The following GALNT17 variants were observed in gnomAD, a reference collection of about 807,000 sequenced individuals.
GALNT17 encodes the protein UDP-GalNAc:polypeptide N-acetylgalactosaminyltransferase-like 3.
Under a neutral mutation model 63.7 loss-of-function variants are expected in GALNT17, and 29 were observed. That is an observed-to-expected ratio of 0.46 (90% CI 0.34 to 0.62). GALNT17 has a LOEUF of 0.62. Ranked by LOEUF, GALNT17 falls within the 20% of genes least tolerant of loss-of-function variation. The probability of loss-of-function intolerance (pLI) is 0.01; values close to 1 mark genes in which losing one functional copy is unlikely to be tolerated. For missense variants in GALNT17, 603 were observed against 799.6 expected (o/e 0.75, Z 2.97); for synonymous variants, 305 against 318.3 (o/e 0.96, Z 0.45).
chr7:71,652,950 T>C (rs546214742), intron 6 of GALNT17, among the ~76,000 whole-genome samples: 1 of 152,176 alleles, frequency 6.6e-6, no homozygotes, highest in Non-Finnish European at 1.5e-5. Context: ...ATCGGGCAGC[T>C]CATGCTTAAG....
At chr7:71,170,324 T>A (rs1268338678) in intron 1 of GALNT17, among the ~76,000 whole-genome samples, 2 of 152,022 alleles carry the variant, frequency 1.3e-5, no homozygotes, top group Non-Finnish European at 2.9e-5. Flanking sequence ...AGCTTTATTT[T>A]TTATTATTTA....
chr7:71,550,567 G>C (rs1047092559), intron 5 of GALNT17, among the ~76,000 whole-genome samples: 6 of 152,036 alleles, frequency 3.9e-5, no homozygotes, highest in Admixed American at 1.3e-4. Flanking sequence ...ATTTAATAGA[G>C]ACAGGATTTT....
At chr7:71,458,720 C>T (rs1456655562) in intron 5 of GALNT17, among the ~76,000 whole-genome samples, 1 of 152,022 alleles carries the variant, frequency 6.6e-6, no homozygotes, top group Non-Finnish European at 1.5e-5. Flanking sequence ...AGGATCTTCC[C>T]CTGGAGTTTG....
At chr7:71,174,107 C>T (rs1485506087) in intron 1 of GALNT17, among the ~76,000 whole-genome samples, 1 of 152,138 alleles carries the variant, frequency 6.6e-6, no homozygotes, top group Non-Finnish European at 1.5e-5. Context: ...GGGTAAAGCC[C>T]TTGAGGGGCT....
intron 1 of GALNT17, among the ~76,000 whole-genome samples, chr7:71,265,098 T>TTTTTTATATATATATATATATA (rs144493671): frequency 2.6e-5 from 2 of 78,368 alleles, no homozygotes; most frequent in Admixed American, 1.4e-4. Context: ...CCCATAAATA[T>TTTTTTATATATATATATATATA]TATATATATA....
At chr7:71,617,885 G>A (rs969183400) in intron 6 of GALNT17, among the ~76,000 whole-genome samples, 3 of 151,914 alleles carry the variant, frequency 2.0e-5, no homozygotes, top group East Asian at 3.9e-4. Context: ...GACCTCAGGC[G>A]ATCCACCCAC....
chr7:71,163,168 A>G (rs926903021), intron 1 of GALNT17, among the ~76,000 whole-genome samples: 3 of 152,214 alleles, frequency 2.0e-5, no homozygotes, highest in South Asian at 2.1e-4. Context: ...AGATTTTCCA[A>G]TCTGATCAAT....
chr7:71,269,591 C>A (rs73173993), intron 1 of GALNT17, among the ~76,000 whole-genome samples: 5,431 of 152,108 alleles, frequency 0.036, 112 homozygotes, highest in South Asian at 0.06. Flanking sequence ...TGCCACTGCT[C>A]ATCTGTCTGC....
Position 71,416,088 on chromosome 7 carries a change from G to A in GALNT17, c.764+25G>A, listed in dbSNP as rs759860635. The A allele has an allele frequency of 1.0e-4, 166 of 1,593,238 alleles. 1 individual carries two copies. Among genetic ancestry groups the A allele is most frequent in the South Asian group, 2.5e-4 (22 of 86,998 alleles). On this transcript the variant is annotated intron_variant, in intron 4 of 10. Transcript: ENST00000333538. ...GGTAGGTCATGAGCTGAAACTCAGG[G>A]GTGCTCAAGACCTGCATTGTGGTTG...
chr7:71,310,736 C>T (rs1791401113), intron 1 of GALNT17, among the ~76,000 whole-genome samples: 1 of 152,232 alleles, frequency 6.6e-6, no homozygotes, highest in Non-Finnish European at 1.5e-5. Flanking sequence ...TTTCAGAAGA[C>T]TTTCCTTTCT....
chr7:71,616,348 CT>C, intron 6 of GALNT17, among the ~76,000 whole-genome samples: 1 of 152,048 alleles, frequency 6.6e-6, no homozygotes, highest in Admixed American at 6.6e-5. Flanking sequence ...TCAACCTCAC[CT>C]TTTGTTGGCT....
chr7:71,701,770 T>C (rs1791637403), intron 9 of GALNT17, among the ~76,000 whole-genome samples: 1 of 127,000 alleles, frequency 7.9e-6, no homozygotes, highest in Non-Finnish European at 1.6e-5. Context: ...TATGTGTATA[T>C]ATATGTGTGT....
chr7:71,460,272 T>C (rs1039231205), intron 5 of GALNT17, among the ~76,000 whole-genome samples: 5 of 152,150 alleles, frequency 3.3e-5, no homozygotes, highest in African/African-American at 1.2e-4. Context: ...GATGGCAGCA[T>C]TGGACCATAG....
intron 1 of GALNT17, among the ~76,000 whole-genome samples, chr7:71,334,428 C>T (rs1395035333): frequency 6.6e-6 from 1 of 151,852 alleles, no homozygotes; most frequent in African/African-American, 2.4e-5. Flanking sequence ...GATATTGGAT[C>T]TCCATCATTT....
intron 2 of GALNT17, among the ~76,000 whole-genome samples, chr7:71,378,973 G>A (rs545748490): frequency 6.6e-6 from 1 of 152,306 alleles, no homozygotes; most frequent in South Asian, 2.1e-4. Context: ...CTGCACTCCA[G>A]CCTGGGCGAC....
At chr7:71,406,562 T>C (rs2116404075) in intron 3 of GALNT17, among the ~76,000 whole-genome samples, 1 of 152,108 alleles carries the variant, frequency 6.6e-6, no homozygotes, top group South Asian at 2.1e-4. Flanking sequence ...TGCAACCGAG[T>C]TTCTCCCCGC....
At chr7:71,680,883 T>TC (rs141566749) in intron 9 of GALNT17, among the ~76,000 whole-genome samples, 28,786 of 144,566 alleles carry the variant, frequency 0.2, 3,477 homozygotes, top group Non-Finnish European at 0.27. Flanking sequence ...TCCTTCCTTT[T>TC]CTTCCTTCCT....
intron 1 of GALNT17, among the ~76,000 whole-genome samples, chr7:71,215,682 C>T (rs1479100689): frequency 2.0e-5 from 3 of 151,996 alleles, no homozygotes; most frequent in Non-Finnish European, 4.4e-5. Context: ...CTGTAAATGT[C>T]GGATATTATA....
chr7:71,156,196 CAA>C (rs773497172), intron 1 of GALNT17, among the ~76,000 whole-genome samples: 3 of 132,192 alleles, frequency 2.3e-5, no homozygotes, highest in Admixed American at 7.7e-5. Context: ...AACTCCGTCT[CAA>C]AAAAAAAAAA....
Sources: allele counts gnomAD v4.1 joint callset (sites outside exome capture counted in the v4.1 genomes callset), GRCh38; gene constraint gnomAD v4.1.1; transcripts MANE v1.5; gene names NCBI Gene and HGNC (gene_info 2026-07-23, HGNC 2026-07-21).